Variants in PLCXD3 observed in about 807,000 individuals in gnomAD.
PLCXD3 encodes PI-PLC X domain-containing protein 3.
A neutral mutation model predicts 25.5 loss-of-function variants in PLCXD3; 19 were observed. That is an observed-to-expected ratio of 0.75 (90% CI 0.52 to 1.09). The LOEUF is 1.09. Ranked by LOEUF, PLCXD3 falls within the 50% of genes least tolerant of loss-of-function variation. The pLI is 0.00. For missense variants in PLCXD3, 411 were observed against 388.1 expected (o/e 1.06, Z -0.50); for synonymous variants, 174 against 137.6 (o/e 1.26, Z -1.85).
chr5:41,487,897 ATTTAT>A (rs1245966620), intron 1 of PLCXD3, among the ~76,000 whole-genome samples: 1 of 152,002 alleles, frequency 6.6e-6, no homozygotes, highest in Non-Finnish European at 1.5e-5. Flanking sequence ...GGAGGGTTTT[ATTTAT>A]TTTATTTTAT....
intron 2 of PLCXD3, among the ~76,000 whole-genome samples, chr5:41,324,480 T>C (rs928762476): frequency 1.3e-5 from 2 of 152,154 alleles, no homozygotes; most frequent in Non-Finnish European, 1.5e-5. Flanking sequence ...AAGAGCATAA[T>C]GTTGACCTAA....
intron 1 of PLCXD3, among the ~76,000 whole-genome samples, chr5:41,434,558 G>A (rs1046668805): frequency 6.6e-6 from 1 of 152,250 alleles, no homozygotes; most frequent in East Asian, 1.9e-4. Flanking sequence ...TGGTATAGGA[G>A]CCCTGAATCC....
At chr5:41,427,363 C>T (rs778036826) in intron 1 of PLCXD3, among the ~76,000 whole-genome samples, 1 of 150,870 alleles carries the variant, frequency 6.6e-6, no homozygotes, top group Non-Finnish European at 1.5e-5. Context: ...GTCTAATCTG[C>T]TATTTACCCA....
At chr5:41,475,701 A>T in intron 1 of PLCXD3, 1 of 534,760 alleles carries the variant, frequency 1.9e-6, no homozygotes, top group Non-Finnish European at 3.8e-6. Context: ...TGAGACCATC[A>T]CTACGACAGT....
intron 1 of PLCXD3, among the ~76,000 whole-genome samples, chr5:41,397,060 AAGGAAAACCC>A (rs1476618061): frequency 6.6e-6 from 1 of 152,246 alleles, no homozygotes; most frequent in Non-Finnish European, 1.5e-5. Context: ...TGCAGTAGAA[AAGGAAAACCC>A]ATTTTTTGGG....
rs70988847 is a variant in PLCXD3 at position 41,446,176 on chromosome 5, C to CAAAA, written c.104-63646_104-63643dup. 4.7e-4 allele frequency among the ~76,000 whole-genome samples: 18 copies of CAAAA among 38,118 alleles called. 1 individual carries two copies. The East Asian group carries it at 1.0e-2, about 21-fold the overall frequency. 25.0% of individuals were successfully genotyped at this position (38,118 alleles called of 152,430 possible). ...TGGGCGACGGAGCCAGACTCCTTCT[C>CAAAA]AAAAAAAAAAAAAAAAAAAAAAAAA... is the stretch of plus-strand genomic sequence containing the variant. On this transcript the variant is annotated intron_variant, in intron 1 of 2. Transcript: ENST00000377801.
At chr5:41,359,893 T>C (rs1184303305) in intron 2 of PLCXD3, among the ~76,000 whole-genome samples, 1 of 152,162 alleles carries the variant, frequency 6.6e-6, no homozygotes, top group Non-Finnish European at 1.5e-5. Context: ...CTAGCAAAAC[T>C]GGGAAAGTTT....
chr5:41,504,819 A>G (rs1012977016), intron 1 of PLCXD3, among the ~76,000 whole-genome samples: 1 of 152,222 alleles, frequency 6.6e-6, no homozygotes, highest in Non-Finnish European at 1.5e-5. Flanking sequence ...TGACTGGCTT[A>G]TAGATCATAC....
chr5:41,439,827 G>A (rs1172848088), intron 1 of PLCXD3, among the ~76,000 whole-genome samples: 1 of 152,060 alleles, frequency 6.6e-6, no homozygotes, highest in Non-Finnish European at 1.5e-5. Flanking sequence ...TTGATTATTG[G>A]TCACTTATCA....
At chr5:41,447,677 T>C (rs1747535752) in intron 1 of PLCXD3, among the ~76,000 whole-genome samples, 1 of 152,326 alleles carries the variant, frequency 6.6e-6, no homozygotes, top group East Asian at 1.9e-4. Flanking sequence ...GGCCTTAAAA[T>C]GGCCCAAAGA....
Position 41,313,524 on chromosome 5 carries a change from C to A in PLCXD3, c.*93G>T. 6.8e-7 allele frequency: 1 copy of A among 1,470,294 alleles called. No homozygotes were observed. Among genetic ancestry groups the A allele is most frequent in the South Asian group, 1.2e-5 (1 of 84,706 alleles). 91.1% of individuals were successfully genotyped at this position (1,470,294 alleles called of 1,614,324 possible). ...ACCAGCCCTATTCCCTTCAGAGACT[C>A]AGTGGAATAGGAAGATCAGAGTGTT... On this transcript the variant is annotated 3_prime_UTR_variant, in exon 3 of 3. Transcript: ENST00000377801.
chr5:41,409,118 T>C (rs1193765519), intron 1 of PLCXD3, among the ~76,000 whole-genome samples: 1 of 152,180 alleles, frequency 6.6e-6, no homozygotes, highest in Admixed American at 6.5e-5. Context: ...GACAAGACAG[T>C]CTTGACCTAA....
rs1240588568 is a variant in PLCXD3, at chr5:41,382,491, T to G, written c.147A>C (p.Pro49=). ...CAGTTTCTGGCTGCTCAGGACCTAC[T>G]GGAGAGGCTTCATCAATGTAGAAGC... ...SFSFYIDEAS[P]VGPEQPETVQ... Residue 49 remains proline (P), a synonymous_variant, in exon 2 of 3, where the codon CCA becomes CCC. Coordinates refer to ENST00000377801, the MANE Select transcript of PLCXD3 (RefSeq NM_001005473.3). 6.2e-7 allele frequency: 1 copy of G among 1,608,302 alleles called. No individual in the cohort carries two copies. Among genetic ancestry groups the G allele is most frequent in the Non-Finnish European group, 8.5e-7 (1 of 1,179,410 alleles).
intron 1 of PLCXD3, among the ~76,000 whole-genome samples, chr5:41,385,194 T>C (rs1389331562): frequency 6.6e-6 from 1 of 152,086 alleles, no homozygotes; most frequent in African/African-American, 2.4e-5. Context: ...CTCGTGTCTT[T>C]AAAGCCAGGA....
At chr5:41,364,311 G>A (rs1365363481) in intron 2 of PLCXD3, among the ~76,000 whole-genome samples, 1 of 152,162 alleles carries the variant, frequency 6.6e-6, no homozygotes, top group Non-Finnish European at 1.5e-5. Flanking sequence ...GTCTCTTCAG[G>A]ATCCTTCACT....
intron 1 of PLCXD3, among the ~76,000 whole-genome samples, chr5:41,469,305 T>C (rs1211777834): frequency 6.6e-6 from 1 of 152,156 alleles, no homozygotes; most frequent in Non-Finnish European, 1.5e-5. Context: ...TTTTTGTTTC[T>C]ACATTTATCA....
intron 1 of PLCXD3, among the ~76,000 whole-genome samples, chr5:41,454,151 G>A (rs1747699067): frequency 6.6e-6 from 1 of 151,846 alleles, no homozygotes; most frequent in African/African-American, 2.4e-5. Flanking sequence ...CACAACCTCA[G>A]AATGTTATCC....
intron 2 of PLCXD3, among the ~76,000 whole-genome samples, chr5:41,357,217 C>G (rs570730256): frequency 2.4e-4 from 37 of 152,300 alleles, no homozygotes; most frequent in African/African-American, 8.4e-4. Context: ...CAATGGCTCC[C>G]TGAAGGGTGG....
intron 2 of PLCXD3, among the ~76,000 whole-genome samples, chr5:41,335,885 C>A (rs1314984790): frequency 6.6e-6 from 1 of 152,156 alleles, no homozygotes; most frequent in Non-Finnish European, 1.5e-5. Flanking sequence ...ATAAAGCCTC[C>A]TTTGGCTTCA....
Sources: gnomAD v4.1 joint callset for allele counts (sites outside exome capture counted in the v4.1 genomes callset) on GRCh38, gnomAD v4.1.1 for gene constraint, MANE v1.5 for transcripts, NCBI Gene and HGNC (gene_info 2026-07-23, HGNC 2026-07-21) for gene names.